Variants in FAM110B observed in about 807,000 individuals in gnomAD.
The protein encoded by FAM110B is protein FAM110B.
Under a neutral mutation model 20.4 loss-of-function variants are expected in FAM110B, and 6 were observed. The observed-to-expected ratio is 0.29, with a 90% CI of 0.16 to 0.58. The LOEUF is 0.58. Among genes scored for constraint, FAM110B ranks in the 20% least tolerant of loss-of-function variants. The pLI is 0.90. For synonymous variants in FAM110B, 226 were observed against 214.1 expected (o/e 1.06, Z -0.49); for missense variants, 434 against 498.2 (o/e 0.87, Z 1.23).
At chr8:58,041,567 G>T (rs1203041992) in intron 2 of FAM110B, among the ~76,000 whole-genome samples, 1 of 152,198 alleles carries the variant, frequency 6.6e-6, no homozygotes, top group Non-Finnish European at 1.5e-5. Flanking sequence ...CCCATGTGGA[G>T]TGAGCCACAG....
intron 1 of FAM110B, among the ~76,000 whole-genome samples, chr8:58,006,923 A>ATATATATATATATATATATATTTTTTT: frequency 1.6e-5 from 2 of 126,518 alleles, no homozygotes; most frequent in African/African-American, 6.1e-5. Context: ...ATATATATAT[A>ATATATATATATATATATATATTTTTTT]TTTTTCCAAA....
At chr8:58,075,271 T>TGTGTGTGTGTGTGTGTGTGTGTG (rs1554521060) in intron 2 of FAM110B, among the ~76,000 whole-genome samples, 16 of 134,784 alleles carry the variant, frequency 1.2e-4, no homozygotes, top group African/African-American at 6.0e-4. Flanking sequence ...GCTTTTTTTT[T>TGTGTGTGTGTGTGTGTGTGTGTG]TTTTTGTGTG....
intron 2 of FAM110B, among the ~76,000 whole-genome samples, chr8:58,046,514 T>C (rs1805322757): frequency 6.6e-6 from 1 of 152,212 alleles, no homozygotes. Flanking sequence ...GTACTGTGTA[T>C]ACCAGGAATC....
chr8:58,103,693 A>T (rs532052655), intron 3 of FAM110B, among the ~76,000 whole-genome samples: 13 of 152,300 alleles, frequency 8.5e-5, no homozygotes, highest in South Asian at 4.1e-4. Context: ...TCCATACAGC[A>T]TATGTGAATA....
At chr8:58,104,748 A>G (rs975813121) in intron 3 of FAM110B, among the ~76,000 whole-genome samples, 1 of 152,200 alleles carries the variant, frequency 6.6e-6, no homozygotes, top group African/African-American at 2.4e-5. Context: ...GAATACAGGT[A>G]CATTGCTTCA....
chr8:58,078,547 CTT>C (rs71555701), intron 3 of FAM110B, among the ~76,000 whole-genome samples: 6 of 115,524 alleles, frequency 5.2e-5, no homozygotes, highest in Admixed American at 9.3e-5. Context: ...AGATTTTTGC[CTT>C]TTTTTTTTTT....
intron 3 of FAM110B, among the ~76,000 whole-genome samples, chr8:58,121,396 C>T (rs1402654731): frequency 6.6e-6 from 1 of 152,188 alleles, no homozygotes; most frequent in East Asian, 1.9e-4. Context: ...TTCCAAGCAT[C>T]CATATGAGAA....
At chr8:58,115,360 CA>C (rs1807177069) in intron 3 of FAM110B, among the ~76,000 whole-genome samples, 1 of 151,966 alleles carries the variant, frequency 6.6e-6, no homozygotes, top group Non-Finnish European at 1.5e-5. Context: ...ACACACTAGT[CA>C]AAAGCGGAGC....
intron 2 of FAM110B, among the ~76,000 whole-genome samples, chr8:58,073,353 G>A (rs973196252): frequency 3.3e-5 from 5 of 152,140 alleles, no homozygotes; most frequent in African/African-American, 1.2e-4. Flanking sequence ...GCCAGGGAGG[G>A]CTTCAGGAGA....
At chr8:58,109,631 C>G (rs937776185) in intron 3 of FAM110B, among the ~76,000 whole-genome samples, 4 of 152,164 alleles carry the variant, frequency 2.6e-5, no homozygotes, top group Non-Finnish European at 5.9e-5. Flanking sequence ...CTGTGCTCCA[C>G]TGACACAACT....
At chr8:58,037,798 C>A (rs1805115803) in intron 2 of FAM110B, among the ~76,000 whole-genome samples, 1 of 152,100 alleles carries the variant, frequency 6.6e-6, no homozygotes. Context: ...TGTTTCCTAA[C>A]TTAATTAGAA....
intron 2 of FAM110B, among the ~76,000 whole-genome samples, chr8:58,066,943 G>T (rs1334908128): frequency 6.6e-6 from 1 of 152,102 alleles, no homozygotes; most frequent in Non-Finnish European, 1.5e-5. Flanking sequence ...TCCTTCTCAG[G>T]CCCTGGTGCT....
At chr8:58,107,239 A>G (rs998169385) in intron 3 of FAM110B, among the ~76,000 whole-genome samples, 1 of 152,186 alleles carries the variant, frequency 6.6e-6, no homozygotes, top group African/African-American at 2.4e-5. Context: ...ACTTTCTAAT[A>G]TTTGCTACTT....
chr8:58,071,749 G>A lies in FAM110B; in HGVS notation c.-413-3786G>A, dbSNP rs547698713. Among the ~76,000 whole-genome samples the A allele has an allele frequency of 9.9e-5, 15 of 152,260 alleles. No homozygotes were observed. In the East Asian group the frequency reaches 1.5e-3, roughly 16 times the overall value. ...TTGCCATGAATTGTAATAGAGTATC[G>A]TCTATAATAAGAAAGTTTGATAGTT... On this transcript the variant is annotated intron_variant, in intron 2 of 3. Coordinates refer to ENST00000519262, the MANE Select transcript of FAM110B (RefSeq NM_001377989.1).
chr8:58,063,535 C>T (rs1032285215), intron 2 of FAM110B, among the ~76,000 whole-genome samples: 1 of 152,082 alleles, frequency 6.6e-6, no homozygotes, highest in Non-Finnish European at 1.5e-5. Flanking sequence ...TAATATTTTC[C>T]GAGAACATAC....
intron 1 of FAM110B, among the ~76,000 whole-genome samples, chr8:58,026,164 A>G (rs1425007301): frequency 6.6e-6 from 1 of 152,222 alleles, no homozygotes; most frequent in Non-Finnish European, 1.5e-5. Context: ...ACTGAACTCA[A>G]TGCTTCTGAT....
intron 3 of FAM110B, among the ~76,000 whole-genome samples, chr8:58,137,361 A>G (rs1230372013): frequency 6.6e-6 from 1 of 152,170 alleles, no homozygotes; most frequent in East Asian, 1.9e-4. Flanking sequence ...GGAGTTTGAG[A>G]CCAGCCTGGC....
At chr8:58,119,777 C>T (rs1031440767) in intron 3 of FAM110B, among the ~76,000 whole-genome samples, 1 of 152,216 alleles carries the variant, frequency 6.6e-6, no homozygotes, top group Non-Finnish European at 1.5e-5. Context: ...TATGACCACT[C>T]TGCTTGTGGC....
At chr8:57,997,842 T>C (rs1804215263) in intron 1 of FAM110B, among the ~76,000 whole-genome samples, 1 of 152,204 alleles carries the variant, frequency 6.6e-6, no homozygotes, top group South Asian at 2.1e-4. Flanking sequence ...CGATGGTTGA[T>C]GGTGGGTGTG....
Sources: gnomAD v4.1 joint callset for allele counts (sites outside exome capture counted in the v4.1 genomes callset) on GRCh38, gnomAD v4.1.1 for gene constraint, MANE v1.5 for transcripts, NCBI Gene and HGNC (gene_info 2026-07-23, HGNC 2026-07-21) for gene names.